The following ZFYVE9 variants were observed in gnomAD, a reference collection of about 807,000 sequenced individuals.
The protein encoded by ZFYVE9 is zinc finger FYVE domain-containing protein 9.
Under a neutral mutation model 126.7 loss-of-function variants are expected in ZFYVE9, and 43 were observed. The observed-to-expected ratio is 0.34, with a 90% CI of 0.27 to 0.44. The LOEUF (loss-of-function observed/expected upper bound fraction) is 0.44. Ranked by LOEUF, ZFYVE9 falls within the 20% of genes least tolerant of loss-of-function variation. The probability of loss-of-function intolerance (pLI) is 1.00; values close to 1 mark genes in which losing one functional copy is unlikely to be tolerated. For missense variants in ZFYVE9, 1,476 were observed against 1,697.0 expected (o/e 0.87, Z 2.29); for synonymous variants, 521 against 597.4 (o/e 0.87, Z 1.87).
chr1:52,151,817 C>T (rs1208366950), intron 1 of ZFYVE9, among the ~76,000 whole-genome samples: 3 of 151,988 alleles, frequency 2.0e-5, no homozygotes, highest in Non-Finnish European at 4.4e-5. Flanking sequence ...TCTCTGAGCC[C>T]ATCCAGGATT....
intron 13 of ZFYVE9, among the ~76,000 whole-genome samples, chr1:52,305,994 G>A (rs1377686959): frequency 6.6e-6 from 1 of 152,192 alleles, no homozygotes; most frequent in Non-Finnish European, 1.5e-5. Context: ...ACACCCCATG[G>A]AACCTACAGC....
intron 4 of ZFYVE9, among the ~76,000 whole-genome samples, chr1:52,245,018 C>T (rs1315894315): frequency 1.3e-5 from 2 of 151,798 alleles, no homozygotes; most frequent in African/African-American, 2.4e-5. Flanking sequence ...ATTAGCTGGG[C>T]GTGGTGGCAG....
At chr1:52,322,671 C>CA (rs978395368) in intron 13 of ZFYVE9, among the ~76,000 whole-genome samples, 3 of 152,108 alleles carry the variant, frequency 2.0e-5, no homozygotes, top group African/African-American at 4.8e-5. Flanking sequence ...CCACCATGCC[C>CA]AGCCTGGTCC....
At chr1:52,300,063 C>A (rs993883134) in intron 12 of ZFYVE9, among the ~76,000 whole-genome samples, 2 of 152,108 alleles carry the variant, frequency 1.3e-5, no homozygotes, top group African/African-American at 4.8e-5. Flanking sequence ...GGCAGTGCGG[C>A]AGAGGCAGAG....
chr1:52,343,488 G>T (rs915733604), intron 17 of ZFYVE9, among the ~76,000 whole-genome samples: 1 of 151,622 alleles, frequency 6.6e-6, no homozygotes, highest in African/African-American at 2.4e-5. Context: ...GGGTGCGGTG[G>T]CTCACACCTG....
intron 4 of ZFYVE9, among the ~76,000 whole-genome samples, chr1:52,259,126 A>T (rs1381566457): frequency 2.6e-5 from 4 of 152,090 alleles, no homozygotes; most frequent in Admixed American, 6.5e-5. Flanking sequence ...TACGGAAAAG[A>T]TCTCTTCCAT....
chr1:52,242,276 C>T (rs1488380911), intron 4 of ZFYVE9, among the ~76,000 whole-genome samples: 1 of 152,198 alleles, frequency 6.6e-6, no homozygotes, highest in African/African-American at 2.4e-5. Context: ...AAGTGATCCA[C>T]TTGCCTTGGC....
At chr1:52,296,004 T>G in intron 12 of ZFYVE9, 27 bp downstream of exon 12, 1 of 1,597,966 alleles carries the variant, frequency 6.3e-7, no homozygotes, top group South Asian at 1.1e-5. Flanking sequence ...TTTTCCTTTG[T>G]CCTTACTGGA....
chr1:52,293,436 A>T lies in ZFYVE9; in HGVS notation c.3026-17A>T. On this transcript the variant is annotated splice_polypyrimidine_tract_variant and intron_variant, in intron 10 of 18. Transcript: ENST00000287727. ...ATTTATTGATACAAAGTAGCTAATA[A>T]ACTTTTTTGTTTTTAGGGAATGTGG... is the stretch of plus-strand genomic sequence containing the variant. The T allele has an allele frequency of 6.3e-7, 1 of 1,587,050 alleles. No individual in the cohort carries two copies. Among genetic ancestry groups the T allele is most frequent in the Non-Finnish European group, 8.6e-7 (1 of 1,168,872 alleles).
At chr1:52,264,132 C>T (rs547475825) in intron 5 of ZFYVE9, 94 of 230,764 alleles carry the variant, frequency 4.1e-4, no homozygotes, top group African/African-American at 2.1e-3. Flanking sequence ...AAATCTGGTG[C>T]GAGGTAGTTA....
chr1:52,312,773 A>G (rs1242965413), intron 13 of ZFYVE9, among the ~76,000 whole-genome samples: 12 of 152,140 alleles, frequency 7.9e-5, no homozygotes, highest in Non-Finnish European at 4.4e-5. Context: ...TTCAAATATA[A>G]TTTATTATCT....
At chr1:52,171,957 T>A (rs1042468302) in intron 1 of ZFYVE9, among the ~76,000 whole-genome samples, 2 of 152,224 alleles carry the variant, frequency 1.3e-5, no homozygotes, top group African/African-American at 4.8e-5. Flanking sequence ...GGTTGCCTGT[T>A]CACTCTGATG....
chr1:52,300,173 C>T (rs1055808853), intron 12 of ZFYVE9, among the ~76,000 whole-genome samples: 5 of 152,130 alleles, frequency 3.3e-5, no homozygotes, highest in Non-Finnish European at 5.9e-5. Context: ...CACAGCCACT[C>T]CAGTTGAAAT....
intron 10 of ZFYVE9, among the ~76,000 whole-genome samples, chr1:52,291,905 A>AG (rs1402131132): frequency 6.6e-6 from 1 of 151,436 alleles, no homozygotes; most frequent in African/African-American, 2.4e-5. Context: ...AAAAAAAAAA[A>AG]AGAGAAACCT....
At chr1:52,232,126 A>G (rs1027628339) in intron 2 of ZFYVE9, among the ~76,000 whole-genome samples, 3 of 152,048 alleles carry the variant, frequency 2.0e-5, no homozygotes, top group African/African-American at 7.2e-5. Flanking sequence ...TCTGTTTTTC[A>G]TGTTTTCCTT....
rs185908145 is a variant in ZFYVE9 at position 52,158,844 on chromosome 1, G to A, written c.-143+16441G>A. 3.5e-3 allele frequency among the ~76,000 whole-genome samples: 527 copies of A among 151,076 alleles called. 1 individual carries two copies. The highest frequency in any genetic ancestry group is 0.012 in the African/African-American group (501 of 41,050). ...TTGAAACTGAGTCACCCAGGTTGGA[G>A]TGCAGTGGCACGATCTTGGCTCACT... On this transcript the variant is annotated intron_variant, in intron 1 of 18. Coordinates refer to ENST00000287727, the MANE Select transcript of ZFYVE9 (RefSeq NM_004799.4).
intron 13 of ZFYVE9, among the ~76,000 whole-genome samples, chr1:52,324,190 A>G (rs1246813872): frequency 1.3e-5 from 2 of 152,104 alleles, no homozygotes; most frequent in African/African-American, 4.8e-5. Flanking sequence ...TGGAGACTGC[A>G]GTAAGCTATG....
intron 10 of ZFYVE9, among the ~76,000 whole-genome samples, chr1:52,289,664 AAATTCTT>A (rs1645898662): frequency 6.6e-6 from 1 of 152,164 alleles, no homozygotes; most frequent in Non-Finnish European, 1.5e-5. Flanking sequence ...TTTCTTTGTC[AAATTCTT>A]ATACCCACTG....
At chr1:52,330,743 T>C (rs1373270484) in intron 13 of ZFYVE9, among the ~76,000 whole-genome samples, 1 of 152,216 alleles carries the variant, frequency 6.6e-6, no homozygotes, top group African/African-American at 2.4e-5. Context: ...ACCTGTATCT[T>C]GTGCTTTCCT....
Sources: gnomAD v4.1 joint callset for allele counts (sites outside exome capture counted in the v4.1 genomes callset) on GRCh38, gnomAD v4.1.1 for gene constraint, MANE v1.5 for transcripts, NCBI Gene and HGNC (gene_info 2026-07-23, HGNC 2026-07-21) for gene names.